DGKB: variants seen among roughly 807,000 people sequenced by gnomAD.
The protein encoded by DGKB is diacylglycerol kinase beta.
A neutral mutation model predicts 114.3 loss-of-function variants in DGKB; 67 were observed. That is an observed-to-expected ratio of 0.59 (90% CI 0.48 to 0.72). The LOEUF is 0.72. Ranked by LOEUF, DGKB falls within the 30% of genes least tolerant of loss-of-function variation. The pLI is 0.00. For missense variants in DGKB, 907 were observed against 975.2 expected, an observed-to-expected ratio of 0.93 and a Z score of 0.93; for synonymous variants, 398 against 323.1, an observed-to-expected ratio of 1.23 and a Z score of -2.49.
At chr7:14,764,068 G>T (rs1024609662) in intron 2 of DGKB, among the ~76,000 whole-genome samples, 1 of 151,816 alleles carries the variant, frequency 6.6e-6, no homozygotes, top group African/African-American at 2.4e-5. Flanking sequence ...TATCACAAAA[G>T]ATATTCGTGG....
rs1173622205 is a variant in DGKB at position 14,695,494 on chromosome 7, C to CTTTTTTTTTTTTTTTTTTTTTTTT, written c.592-1301_592-1300insAAAAAAAAAAAAAAAAAAAAAAAA. Among the ~76,000 whole-genome samples the CTTTTTTTTTTTTTTTTTTTTTTTT allele has an allele frequency of 1.2e-4, 9 of 75,166 alleles. 3 individuals carry two copies. Among genetic ancestry groups the CTTTTTTTTTTTTTTTTTTTTTTTT allele is most frequent in the African/African-American group, 1.8e-4 (3 of 17,084 alleles). 49.3% of individuals were successfully genotyped at this position (75,166 alleles called of 152,430 possible). Reference sequence around the variant, plus strand: ...AATGTTCATTTCTCTCTCTCTCTCTCTTTTTTTTTTTTTTTTTTTTTTTGA... The same window carrying CTTTTTTTTTTTTTTTTTTTTTTTT: ...AATGTTCATTTCTCTCTCTCTCTCTCTTTTTTTTTTTTTTTTTTTTTTTTTTTTTTTTTTTTTTTTTTTTTTTGA... On this transcript the variant is annotated intron_variant, in intron 8 of 25. Transcript: ENST00000402815.
intron 5 of DGKB, among the ~76,000 whole-genome samples, chr7:14,729,207 C>G (rs1426401035): frequency 6.8e-6 from 1 of 147,506 alleles, no homozygotes; most frequent in East Asian, 2.0e-4. Flanking sequence ...ACTGCAAGCT[C>G]CGCCTCCTGG....
intron 21 of DGKB, among the ~76,000 whole-genome samples, chr7:14,429,609 T>C (rs1265997220): frequency 1.3e-5 from 2 of 152,128 alleles, no homozygotes; most frequent in African/African-American, 4.8e-5. Context: ...CTTTCCACTT[T>C]ATAGTGGATG....
chr7:14,717,376 C>A (rs1019917375), intron 6 of DGKB, among the ~76,000 whole-genome samples: 10 of 152,058 alleles, frequency 6.6e-5, no homozygotes, highest in African/African-American at 2.4e-4. Context: ...CTGGCTGTCA[C>A]TTCAATAGAA....
At chr7:14,324,633 A>G (rs1247048466) in intron 23 of DGKB, among the ~76,000 whole-genome samples, 1 of 152,130 alleles carries the variant, frequency 6.6e-6, no homozygotes, top group Non-Finnish European at 1.5e-5. Flanking sequence ...TGGCAAAAAA[A>G]CAATAATTAT....
At chr7:14,923,983 CAAAAAAAA>C (rs56032330) in intron 1 of DGKB, among the ~76,000 whole-genome samples, 3 of 76,188 alleles carry the variant, frequency 3.9e-5, no homozygotes, top group Non-Finnish European at 4.5e-5. Flanking sequence ...AGCTCCATCT[CAAAAAAAA>C]AAAAAAAAAA....
At chr7:14,571,323 G>T (rs1798349173) in intron 20 of DGKB, among the ~76,000 whole-genome samples, 1 of 152,212 alleles carries the variant, frequency 6.6e-6, no homozygotes, top group Admixed American at 6.5e-5. Context: ...CAGTGGAACT[G>T]ACTTGATTTG....
chr7:14,630,735 A>T (rs1209343601), intron 13 of DGKB, among the ~76,000 whole-genome samples: 2 of 152,074 alleles, frequency 1.3e-5, no homozygotes, highest in African/African-American at 4.8e-5. Context: ...AAGAAAACAT[A>T]TTCCATTAAT....
chr7:14,439,884 A>AT (rs1398950908), intron 21 of DGKB, among the ~76,000 whole-genome samples: 2 of 150,860 alleles, frequency 1.3e-5, no homozygotes, highest in Non-Finnish European at 3.0e-5. Flanking sequence ...AAAAAAAAAA[A>AT]GTAATGAATA....
At chr7:14,840,038 C>T (rs1206965656) in intron 2 of DGKB, among the ~76,000 whole-genome samples, 4 of 152,056 alleles carry the variant, frequency 2.6e-5, no homozygotes, top group Non-Finnish European at 4.4e-5. Context: ...TGATAGTATT[C>T]GCTATTACCA....
chr7:14,538,996 G>A (rs1226379958), intron 20 of DGKB, among the ~76,000 whole-genome samples: 1 of 152,082 alleles, frequency 6.6e-6, no homozygotes, highest in Non-Finnish European at 1.5e-5. Flanking sequence ...ATGGGGAGCT[G>A]TTGCTTAGTG....
intron 17 of DGKB, among the ~76,000 whole-genome samples, chr7:14,604,204 G>T (rs963914470): frequency 1.3e-5 from 2 of 152,064 alleles, no homozygotes; most frequent in African/African-American, 2.4e-5. Flanking sequence ...ATCAGGGAGA[G>T]ATGATTTATA....
At chr7:14,173,800 T>C (rs970300926) in intron 25 of DGKB, among the ~76,000 whole-genome samples, 8 of 152,114 alleles carry the variant, frequency 5.3e-5, no homozygotes, top group Admixed American at 2.6e-4. Flanking sequence ...AAAATCACAA[T>C]AATGAGCCAT....
intron 23 of DGKB, among the ~76,000 whole-genome samples, chr7:14,295,522 G>C (rs1046266455): frequency 6.6e-6 from 1 of 151,494 alleles, no homozygotes; most frequent in African/African-American, 2.4e-5. Flanking sequence ...CCTTATATCT[G>C]TTTCCTGCCT....
intron 20 of DGKB, among the ~76,000 whole-genome samples, chr7:14,500,704 T>C (rs1173486227): frequency 6.6e-6 from 1 of 151,700 alleles, no homozygotes; most frequent in Non-Finnish European, 1.5e-5. Flanking sequence ...GGGTGTGAAA[T>C]TGGATTCGGT....
chr7:14,542,581 C>T (rs993641898), intron 20 of DGKB, among the ~76,000 whole-genome samples: 11 of 152,260 alleles, frequency 7.2e-5, no homozygotes, highest in Admixed American at 5.2e-4. Flanking sequence ...GCCTGGTCAC[C>T]TGAACCATCC....
At chr7:14,705,472 A>G (rs1371194125) in intron 6 of DGKB, among the ~76,000 whole-genome samples, 3 of 151,684 alleles carry the variant, frequency 2.0e-5, no homozygotes, top group Non-Finnish European at 4.4e-5. Context: ...AGAGAACGCC[A>G]CAAAGATACT....
intron 1 of DGKB, among the ~76,000 whole-genome samples, chr7:14,875,803 T>C (rs1469648136): frequency 6.6e-6 from 1 of 152,018 alleles, no homozygotes; most frequent in Non-Finnish European, 1.5e-5. Context: ...TCTTAAAACA[T>C]TATGAGGTTT....
intron 2 of DGKB, among the ~76,000 whole-genome samples, chr7:14,795,462 T>C (rs2128031970): frequency 6.6e-6 from 1 of 152,324 alleles, no homozygotes; most frequent in Non-Finnish European, 1.5e-5. Context: ...ATTTAAGGCC[T>C]ACTTACCCAT....
Sources: gnomAD v4.1 joint callset for allele counts (sites outside exome capture counted in the v4.1 genomes callset) on GRCh38, gnomAD v4.1.1 for gene constraint, MANE v1.5 for transcripts, NCBI Gene and HGNC (gene_info 2026-07-23, HGNC 2026-07-21) for gene names.